Variants in ZNF236 observed in about 807,000 individuals in gnomAD.
ZNF236 encodes the protein regulated by glucose.
In ZNF236, 50 loss-of-function variants were observed where a neutral mutation model predicts 191.2. The ratio of observed to expected loss-of-function variants is 0.26; its 90% CI spans 0.21 to 0.33. The LOEUF is 0.33. ZNF236 is among the 10% of genes least tolerant of loss of function. The pLI is 1.00. For missense variants in ZNF236, 1,754 were observed against 2,374.5 expected, an observed-to-expected ratio of 0.74 and a Z score of 5.43; for synonymous variants, 907 against 928.8, an observed-to-expected ratio of 0.98 and a Z score of 0.43.
chr18:76,936,179 A>G (rs917978009), intron 25 of ZNF236: 8 of 445,550 alleles, frequency 1.8e-5, no homozygotes, highest in Non-Finnish European at 3.6e-5. Flanking sequence ...AAACCTGGTT[A>G]GGCAATAGCT....
intron 1 of ZNF236, among the ~76,000 whole-genome samples, chr18:76,829,323 T>TG (rs1273300536): frequency 4.9e-5 from 5 of 101,760 alleles, no homozygotes; most frequent in African/African-American, 1.2e-4. Context: ...TGGAATCTCC[T>TG]GGGGGAGGTT....
At chr18:76,948,517 T>C (rs2122922435) in intron 27 of ZNF236, among the ~76,000 whole-genome samples, 1 of 152,274 alleles carries the variant, frequency 6.6e-6, no homozygotes, top group South Asian at 2.1e-4. Flanking sequence ...TCTGATCTAC[T>C]GGTGGTTGTG....
intron 10 of ZNF236, among the ~76,000 whole-genome samples, chr18:76,898,341 C>T (rs1217663836): frequency 6.6e-6 from 1 of 152,250 alleles, no homozygotes; most frequent in Non-Finnish European, 1.5e-5. Context: ...ACCCTGTACT[C>T]ATTGGCAATA....
chr18:76,895,182 G>T lies in ZNF236; in HGVS notation c.1587G>T (p.Ala529=). The T allele has an allele frequency of 1.2e-6, 2 of 1,605,120 alleles. No individual in the cohort carries two copies. The highest frequency in any genetic ancestry group is 1.7e-6 in the Non-Finnish European group (2 of 1,179,968). Residue 529 remains alanine, a synonymous_variant, in exon 10 of 31, where the codon GCG becomes GCT. Coordinates refer to ENST00000320610, the MANE Select transcript of ZNF236 (RefSeq NM_001306089.2). Reference sequence around the variant, plus strand: ...TCGCCGTGAAGAGCACGCTGACAGCGCACATCAAGACGCACACCGGCATCA... The same window carrying T: ...TCGCCGTGAAGAGCACGCTGACAGCTCACATCAAGACGCACACCGGCATCA... ...RAFAVKSTLT[A]HIKTHTGIKA...
intron 27 of ZNF236, among the ~76,000 whole-genome samples, chr18:76,951,745 C>G (rs1968416091): frequency 6.6e-6 from 1 of 152,226 alleles, no homozygotes; most frequent in Non-Finnish European, 1.5e-5. Context: ...AGAGGCTGAG[C>G]TTTCAGCCTG....
intron 1 of ZNF236, chr18:76,824,393 GCAC>G (rs1974959009): frequency 1.3e-6 from 1 of 780,966 alleles, no homozygotes; most frequent in Non-Finnish European, 2.4e-6. Context: ...GATGTTGGCT[GCAC>G]CATGACCCAG....
intron 25 of ZNF236, among the ~76,000 whole-genome samples, chr18:76,928,894 C>A (rs534835575): frequency 6.6e-6 from 1 of 151,532 alleles, no homozygotes; most frequent in South Asian, 2.1e-4. Flanking sequence ...CTAGTAACTT[C>A]CACAGATATT....
chr18:76,830,581 G>T (rs950076820), intron 1 of ZNF236, among the ~76,000 whole-genome samples: 2 of 151,978 alleles, frequency 1.3e-5, no homozygotes, highest in Non-Finnish European at 2.9e-5. Flanking sequence ...CACATTGGAA[G>T]AACTGTCTTG....
chr18:76,943,416 G>T (rs1241892452), intron 26 of ZNF236, among the ~76,000 whole-genome samples: 1 of 152,136 alleles, frequency 6.6e-6, no homozygotes, highest in Non-Finnish European at 1.5e-5. Flanking sequence ...TTATCAGGAG[G>T]TGTAAACGTG....
chr18:76,967,514 G>GT, intron 30 of ZNF236, among the ~76,000 whole-genome samples: 2 of 141,840 alleles, frequency 1.4e-5, no homozygotes, highest in Admixed American at 7.4e-5. Context: ...TTGTGATTTG[G>GT]TGTTGGAGGT....
In ZNF236 at chr18:76,913,832, T is replaced by C. The variant is rs750389599; in HGVS notation, c.2995T>C (p.Cys999Arg). ...GCACACCGGGGAAAAGCCCTACAAG[T>C]GCAAGCTCTGTGGACGCGGCTTTGT... Reference protein sequence around the residue: ...RSHTGEKPYKCKLCGRGFVSS... With the variant: ...RSHTGEKPYKRKLCGRGFVSS... Residue 999 changes from cysteine (C) to arginine (R), a missense_variant, in exon 18 of 31, where the codon TGC becomes CGC. Cys to Arg is a radical substitution (Grantham distance 180). Coordinates refer to ENST00000320610, the MANE Select transcript of ZNF236 (RefSeq NM_001306089.2). 1 of 1,614,238 alleles carries C rather than the reference T, an allele frequency of 6.2e-7. No individual in the cohort carries two copies. The highest frequency in any genetic ancestry group is 8.5e-7 in the Non-Finnish European group (1 of 1,180,038).
intron 1 of ZNF236, among the ~76,000 whole-genome samples, chr18:76,843,644 C>T (rs113864511): frequency 5.0e-4 from 75 of 151,454 alleles, no homozygotes; most frequent in African/African-American, 1.7e-3. Flanking sequence ...GGCATGGTGG[C>T]GTGCGCCTGT....
intron 11 of ZNF236, among the ~76,000 whole-genome samples, chr18:76,903,336 A>G (rs1977653540): frequency 6.6e-6 from 1 of 152,362 alleles, no homozygotes; most frequent in East Asian, 1.9e-4. Context: ...GGGAACTCTC[A>G]GAGGTCCGGG....
At chr18:76,834,855 T>C in intron 1 of ZNF236, 1 of 415,904 alleles carries the variant, frequency 2.4e-6, no homozygotes, top group Non-Finnish European at 4.8e-6. Flanking sequence ...TGGTTGTTAC[T>C]TTGGTCAGAA....
In ZNF236 at chr18:76,972,455, T is replaced by G. The variant is rs952336415; in HGVS notation, c.*4116T>G. On this transcript the variant is annotated 3_prime_UTR_variant, in exon 31 of 31. Coordinates refer to ENST00000320610, the MANE Select transcript of ZNF236 (RefSeq NM_001306089.2). Reference sequence around the variant, plus strand: ...CACACACTCACCCACACACTCACCCTCACACTCACCCACACACCCTCACAC... The same window carrying G: ...CACACACTCACCCACACACTCACCCGCACACTCACCCACACACCCTCACAC... 1.4e-4 allele frequency among the ~76,000 whole-genome samples: 21 copies of G among 151,364 alleles called. No homozygotes were observed. Among genetic ancestry groups the G allele is most frequent in the Non-Finnish European group, 1.3e-4 (9 of 67,812 alleles).
At chr18:76,859,332 G>C (rs1416627994) in intron 3 of ZNF236, among the ~76,000 whole-genome samples, 1 of 152,102 alleles carries the variant, frequency 6.6e-6, no homozygotes, top group Non-Finnish European at 1.5e-5. Flanking sequence ...TCTTGCACGT[G>C]TTCCCAGCTT....
At chr18:76,907,175 T>C (rs1977766027) in intron 13 of ZNF236, among the ~76,000 whole-genome samples, 1 of 152,204 alleles carries the variant, frequency 6.6e-6, no homozygotes, top group Non-Finnish European at 1.5e-5. Context: ...GTAAAAGTAG[T>C]TATGAATTGT....
chr18:76,889,621 A>G (rs1977168112), intron 9 of ZNF236, among the ~76,000 whole-genome samples: 1 of 152,366 alleles, frequency 6.6e-6, no homozygotes, highest in East Asian at 1.9e-4. Context: ...AATGGAAGAT[A>G]AACGAATGGG....
intron 2 of ZNF236, among the ~76,000 whole-genome samples, chr18:76,850,667 A>G (rs1975831282): frequency 6.6e-6 from 1 of 151,826 alleles, no homozygotes; most frequent in South Asian, 2.1e-4. Context: ...GAGTGGCACC[A>G]TCTTGGCTCA....
Sources: gnomAD v4.1 joint callset for allele counts (sites outside exome capture counted in the v4.1 genomes callset) on GRCh38, gnomAD v4.1.1 for gene constraint, MANE v1.5 for transcripts, NCBI Gene and HGNC (gene_info 2026-07-23, HGNC 2026-07-21) for gene names.